The following SMARCA1 variants were observed in gnomAD, a reference collection of about 807,000 sequenced individuals.
SMARCA1 encodes SNF2 related chromatin remodeling ATPase 1, also known as SWI/SNF-related matrix-associated actin-dependent regulator of chromatin subfamily A member 1.
Under a neutral mutation model 93.6 loss-of-function variants are expected in SMARCA1, and 17 were observed. The ratio of observed to expected loss-of-function variants is 0.18; its 90% confidence interval spans 0.12 to 0.27. The LOEUF (loss-of-function observed/expected upper bound fraction) is 0.27, where lower values mean the gene tolerates loss of function less well. Ranked by LOEUF, SMARCA1 falls within the 10% of genes least tolerant of loss-of-function variation. The pLI is 1.00. For synonymous variants in SMARCA1, 271 were observed against 271.4 expected (o/e 1.00, Z 0.01); for missense variants, 630 against 819.0 (o/e 0.77, Z 2.82).
intron 1 of SMARCA1, among the ~76,000 whole-genome samples, chrX:129,521,276 T>C (rs186271925): frequency 8.9e-6 from 1 of 112,512 alleles, no homozygotes; most frequent in African/African-American, 3.2e-5. Flanking sequence ...GGATTTCAGG[T>C]GCCTTTGTGT....
intron 23 of SMARCA1, among the ~76,000 whole-genome samples, chrX:129,450,933 A>G (rs1020641080): frequency 8.9e-6 from 1 of 111,832 alleles, no homozygotes; most frequent in South Asian, 3.7e-4. Flanking sequence ...TAGGAAATGT[A>G]AGATACAAAA....
chrX:129,482,097 C>T (rs755262510), intron 17 of SMARCA1, among the ~76,000 whole-genome samples: 2 of 87,420 alleles, frequency 2.3e-5, no homozygotes, highest in East Asian at 3.7e-4. Flanking sequence ...AACCAAACAC[C>T]GCATATTCTC....
At chrX:129,499,437 T>C (rs1934464889) in intron 10 of SMARCA1, among the ~76,000 whole-genome samples, 1 of 111,629 alleles carries the variant, frequency 9.0e-6, no homozygotes, top group African/African-American at 3.3e-5. Context: ...TAAATATTAT[T>C]ATCCCCATTT....
intron 23 of SMARCA1, among the ~76,000 whole-genome samples, chrX:129,453,225 G>C (rs1030997995): frequency 8.9e-6 from 1 of 111,782 alleles, no homozygotes; most frequent in African/African-American, 3.3e-5. Flanking sequence ...TAAATCAAAA[G>C]CTAGAAATGA....
chrX:129,491,746 GTGTT>G (rs1934138001), intron 14 of SMARCA1, among the ~76,000 whole-genome samples, 191 bp downstream of exon 14: 1 of 111,894 alleles, frequency 8.9e-6, no homozygotes, highest in Non-Finnish European at 1.9e-5. Flanking sequence ...GATCTGGGGT[GTGTT>G]TGTTGTTCGC....
chrX:129,501,013 G>GTACC (rs1327581590), intron 9 of SMARCA1, among the ~76,000 whole-genome samples: 4 of 112,426 alleles, frequency 3.6e-5, no homozygotes, highest in Non-Finnish European at 7.5e-5. Context: ...AATCTATAGA[G>GTACC]TACCTACCTA....
intron 23 of SMARCA1, among the ~76,000 whole-genome samples, chrX:129,457,124 G>C (rs1265823718): frequency 8.9e-6 from 1 of 112,287 alleles, no homozygotes; most frequent in Non-Finnish European, 1.9e-5. Context: ...TCAGTCAGCA[G>C]CAATTCACAC....
At chrX:129,479,356 T>A (rs938889689) in intron 19 of SMARCA1, among the ~76,000 whole-genome samples, 18 of 111,333 alleles carry the variant, frequency 1.6e-4, no homozygotes, top group Middle Eastern at 4.7e-3. Flanking sequence ...CCTATTTTTA[T>A]TTTATATTTG....
intron 23 of SMARCA1, among the ~76,000 whole-genome samples, chrX:129,449,720 C>G (rs777203343): frequency 9.1e-6 from 1 of 110,382 alleles, no homozygotes; most frequent in Non-Finnish European, 1.9e-5. Flanking sequence ...GCAAAAATGC[C>G]TGCCAGAATA....
chrX:129,516,307 G>A (rs1262168264), intron 3 of SMARCA1, 24 bp downstream of exon 3: 1 of 1,192,204 alleles, frequency 8.4e-7, no homozygotes, highest in Admixed American at 2.2e-5. Flanking sequence ...AGGAAAGAAA[G>A]TAGAGAGAGA....
At position 129,453,714 on chromosome X, in the gene SMARCA1, C is replaced by A. The variant is rs5977086; in HGVS notation, c.3031-5271G>T. Among the ~76,000 whole-genome samples, 800 of 111,113 alleles carry A rather than the reference C, an allele frequency of 7.2e-3. 6 individuals carry two copies. Among genetic ancestry groups the A allele is most frequent in the African/African-American group, 0.024 (747 of 30,580 alleles). Reference sequence around the variant, plus strand: ...CAATTGCTACCAGGAGAATAAAACACCTAGGAATGCAACTTACAAGGGATG... The same window carrying A: ...CAATTGCTACCAGGAGAATAAAACAACTAGGAATGCAACTTACAAGGGATG... On this transcript the variant is annotated intron_variant, in intron 23 of 24. Coordinates refer to ENST00000371121, the MANE Select transcript of SMARCA1 (RefSeq NM_001282874.2).
Position 129,465,971 on chromosome X carries a change from C to CAA in SMARCA1, c.2699-10_2699-9insTT. The CAA allele has an allele frequency of 1.1e-6, 1 of 911,934 alleles. No individual in the cohort carries two copies. Among genetic ancestry groups the CAA allele is most frequent in the Non-Finnish European group, 1.5e-6 (1 of 647,733 alleles). 75.2% of individuals were successfully genotyped at this position (911,934 alleles called of 1,213,427 possible). A position where few individuals can be genotyped will look rare whatever the true frequency, so the allele number is the denominator to read the frequency against. ...ACGTTCCCAAAATACAGCTGAAAAACAGAGTTATTTCTTTAAAATCCTATC... is the reference window on the plus strand; with the variant it reads ...ACGTTCCCAAAATACAGCTGAAAAACAAAGAGTTATTTCTTTAAAATCCTATC... On this transcript the variant is annotated splice_polypyrimidine_tract_variant and intron_variant, in intron 21 of 24. Transcript: ENST00000371121.
chrX:129,467,103 A>G (rs1932932492), intron 21 of SMARCA1, among the ~76,000 whole-genome samples: 1 of 112,107 alleles, frequency 8.9e-6, no homozygotes, highest in African/African-American at 3.2e-5. Flanking sequence ...CATTCAACAA[A>G]TATTTAAACA....
At chrX:129,507,474 A>G (rs1278887250) in intron 7 of SMARCA1, among the ~76,000 whole-genome samples, 2 of 113,003 alleles carry the variant, frequency 1.8e-5, no homozygotes, top group African/African-American at 6.4e-5. Context: ...TTTTCTTTAC[A>G]TTAAAAACTG....
rs181415151 is a variant in SMARCA1 at position 129,475,376 on chromosome X, G to A, written c.2443-4050C>T. Among the ~76,000 whole-genome samples the A allele has an allele frequency of 7.3e-5, 8 of 110,112 alleles. No homozygotes were observed. In the East Asian group the frequency reaches 1.1e-3, roughly 16 times the overall value. On this transcript the variant is annotated intron_variant, in intron 19 of 24. Coordinates refer to ENST00000371121, the MANE Select transcript of SMARCA1 (RefSeq NM_001282874.2). ...TCTCCTAAAAATATAAAAACTAGCC[G>A]GGCGTGGTAATGGGTACCTGTAATC...
intron 23 of SMARCA1, among the ~76,000 whole-genome samples, chrX:129,455,455 G>T (rs758901315): frequency 4.6e-5 from 5 of 108,332 alleles, no homozygotes; most frequent in East Asian, 2.9e-4. Context: ...GGGCCTGTTG[G>T]GGGGGTGGGG....
intron 17 of SMARCA1, among the ~76,000 whole-genome samples, chrX:129,486,574 C>T (rs1933895983): frequency 9.0e-6 from 1 of 111,259 alleles, no homozygotes; most frequent in Non-Finnish European, 1.9e-5. Context: ...ATTCTAATAA[C>T]TTTATGAGTA....
chrX:129,510,435 G>C (rs1347099371), intron 6 of SMARCA1, among the ~76,000 whole-genome samples: 1 of 112,038 alleles, frequency 8.9e-6, no homozygotes, highest in African/African-American at 3.2e-5. Context: ...AGGCACAGTG[G>C]TGCACACTTG....
intron 12 of SMARCA1, 105 bp downstream of exon 12, chrX:129,496,645 C>T: frequency 1.6e-6 from 1 of 624,272 alleles, no homozygotes. Flanking sequence ...AAATTCAATG[C>T]ACCCACCTAA....
Sources: gnomAD v4.1 joint callset for allele counts (sites outside exome capture counted in the v4.1 genomes callset) on GRCh38, gnomAD v4.1.1 for gene constraint, MANE v1.5 for transcripts, NCBI Gene and HGNC (gene_info 2026-07-23, HGNC 2026-07-21) for gene names.